The following HS6ST2 variants were observed in gnomAD, a reference collection of about 807,000 sequenced individuals.
HS6ST2 encodes heparan sulfate 6-O-sulfotransferase 2.
Under a neutral mutation model 33.0 loss-of-function variants are expected in HS6ST2, and 17 were observed. That is an observed-to-expected ratio of 0.52 (90% CI 0.35 to 0.77). HS6ST2 has a LOEUF of 0.77. Ranked by LOEUF, HS6ST2 falls within the 30% of genes least tolerant of loss-of-function variation. The probability of loss-of-function intolerance (pLI) is 0.01; values close to 1 mark genes in which losing one functional copy is unlikely to be tolerated. For synonymous variants in HS6ST2, 248 were observed against 237.1 expected (o/e 1.05, Z -0.42); for missense variants, 519 against 551.7 (o/e 0.94, Z 0.59).
rs1191491268 is a variant in HS6ST2, at chrX:132,637,940, A to G, written c.1068-8847T>C. Among the ~76,000 whole-genome samples the G allele has an allele frequency of 1.1e-4, 8 of 72,558 alleles. 1 individual carries two copies. Among genetic ancestry groups the G allele is most frequent in the Admixed American group, 2.2e-4 (1 of 4,512 alleles). 63.0% of individuals were successfully genotyped at this position (72,558 alleles called of 115,157 possible). On this transcript the variant is annotated intron_variant, in intron 4 of 4. Coordinates refer to ENST00000370833, the MANE Select transcript of HS6ST2 (RefSeq NM_001394073.1). Reference sequence around the variant, plus strand: ...ATTTTATATATATATTATATATAATATTTTATATATAATATATATAAAATA... The same window carrying G: ...ATTTTATATATATATTATATATAATGTTTTATATATAATATATATAAAATA...
At chrX:132,719,917 CAGA>C (rs2064313191) in intron 2 of HS6ST2, among the ~76,000 whole-genome samples, 1 of 112,439 alleles carries the variant, frequency 8.9e-6, no homozygotes, top group African/African-American at 3.2e-5. Flanking sequence ...AATCTCCCCA[CAGA>C]AACTGCTGTA....
At chrX:132,759,287 A>G (rs2064784463) in intron 2 of HS6ST2, among the ~76,000 whole-genome samples, 1 of 112,091 alleles carries the variant, frequency 8.9e-6, no homozygotes, top group Non-Finnish European at 1.9e-5. Context: ...GTATTAAAGG[A>G]GTAATTTCTG....
At chrX:132,724,638 A>G (rs2064374646) in intron 2 of HS6ST2, among the ~76,000 whole-genome samples, 1 of 112,008 alleles carries the variant, frequency 8.9e-6, no homozygotes, top group South Asian at 3.7e-4. Flanking sequence ...TCCTTCACAG[A>G]AATAGCAAAA....
intron 2 of HS6ST2, among the ~76,000 whole-genome samples, chrX:132,876,840 A>G: frequency 8.9e-6 from 1 of 112,040 alleles, no homozygotes; most frequent in South Asian, 3.7e-4. Context: ...TACAGATAAC[A>G]CCTTCAAGTG....
At chrX:132,771,797 G>A (rs1324090768) in intron 2 of HS6ST2, among the ~76,000 whole-genome samples, 8 of 111,843 alleles carry the variant, frequency 7.2e-5, no homozygotes, top group Admixed American at 6.7e-4. Flanking sequence ...AATGAGACTT[G>A]AAGATACTGT....
chrX:132,681,497 T>G (rs1406864736), intron 3 of HS6ST2, among the ~76,000 whole-genome samples: 3 of 111,456 alleles, frequency 2.7e-5, no homozygotes, highest in Non-Finnish European at 3.8e-5. Context: ...ATAATCAGAA[T>G]TTAAGGGCTG....
At chrX:132,928,142 G>A (rs1286366934) in intron 2 of HS6ST2, among the ~76,000 whole-genome samples, 3 of 103,108 alleles carry the variant, frequency 2.9e-5, no homozygotes, top group Admixed American at 1.0e-4. Flanking sequence ...TTTTTGAGAC[G>A]GAGTCTCACT....
chrX:132,817,148 T>C (rs2065402204), intron 2 of HS6ST2, among the ~76,000 whole-genome samples: 1 of 111,153 alleles, frequency 9.0e-6, no homozygotes, highest in African/African-American at 3.3e-5. Context: ...TCAACTTGCA[T>C]TGAGGTGGTT....
chrX:132,652,468 G>T (rs896664540), intron 4 of HS6ST2, among the ~76,000 whole-genome samples: 5 of 111,864 alleles, frequency 4.5e-5, no homozygotes, highest in African/African-American at 1.6e-4. Flanking sequence ...TAACAGGATA[G>T]ACTGTTCTAG....
At chrX:132,708,114 C>T (rs750497299) in intron 3 of HS6ST2, among the ~76,000 whole-genome samples, 45 of 109,069 alleles carry the variant, frequency 4.1e-4, no homozygotes, top group Non-Finnish European at 6.7e-4. Context: ...ACTTTGCCAA[C>T]GGTTGGGGTC....
At position 132,847,858 on chromosome X, in the gene HS6ST2, A is replaced by G. The variant is rs138619465; in HGVS notation, c.947+108950T>C. On this transcript the variant is annotated intron_variant, in intron 2 of 4. Coordinates refer to ENST00000370833, the MANE Select transcript of HS6ST2 (RefSeq NM_001394073.1). ...CTCCGAAGGGCTGGCATAGAGAAGA[A>G]CATTAGACTTGTTTTGTATGGTTCC... Among the ~76,000 whole-genome samples the G allele has an allele frequency of 4.7e-3, 525 of 112,442 alleles. 2 individuals are homozygous for G. The highest frequency in any genetic ancestry group is 0.016 in the African/African-American group (496 of 31,035).
intron 2 of HS6ST2, chrX:132,758,311 C>A (rs946138486): frequency 8.9e-6 from 1 of 112,070 alleles, no homozygotes; most frequent in Admixed American, 9.4e-5. Flanking sequence ...GGCACCTCCT[C>A]GCCAGGTGAT....
chrX:132,681,967 T>C (rs1222365080), intron 3 of HS6ST2, among the ~76,000 whole-genome samples: 8 of 111,948 alleles, frequency 7.1e-5, no homozygotes, highest in African/African-American at 2.6e-4. Flanking sequence ...GATAAAAACA[T>C]GAAAGGTAGA....
intron 2 of HS6ST2, among the ~76,000 whole-genome samples, chrX:132,848,782 A>G (rs1337432341): frequency 8.9e-6 from 1 of 111,987 alleles, no homozygotes; most frequent in Non-Finnish European, 1.9e-5. Context: ...CTAACTCTGG[A>G]AACAGCACTC....
At chrX:132,789,876 T>C (rs1245212618) in intron 2 of HS6ST2, among the ~76,000 whole-genome samples, 5 of 112,129 alleles carry the variant, frequency 4.5e-5, no homozygotes, top group Non-Finnish European at 7.5e-5. Context: ...TGCTACAATC[T>C]CATGATCAAA....
At position 132,700,239 on chromosome X, in the gene HS6ST2, A is replaced by G. The variant is rs754018676; in HGVS notation, c.980+8223T>C. ...GAAAAGTTTTGAAACCACACAAGAT[A>G]TTGATGAAGCTCCCTTGTAATTCTA... On this transcript the variant is annotated intron_variant, in intron 3 of 4. Coordinates refer to ENST00000370833, the MANE Select transcript of HS6ST2 (RefSeq NM_001394073.1). 3.0e-4 allele frequency among the ~76,000 whole-genome samples: 34 copies of G among 111,937 alleles called. 1 individual carries two copies. The highest frequency in any genetic ancestry group is 4.6e-3 in the Middle Eastern group (1 of 217).
intron 3 of HS6ST2, among the ~76,000 whole-genome samples, chrX:132,670,042 G>A (rs781774418): frequency 9.0e-6 from 1 of 110,769 alleles, no homozygotes; most frequent in East Asian, 2.8e-4. Context: ...CCAATTCAAA[G>A]CCTTTCTCTC....
At chrX:132,856,850 T>G (rs2065856272) in intron 2 of HS6ST2, among the ~76,000 whole-genome samples, 1 of 111,707 alleles carries the variant, frequency 9.0e-6, no homozygotes, top group Non-Finnish European at 1.9e-5. Flanking sequence ...CTATAAGCAG[T>G]CAAGATTTAA....
At chrX:132,842,138 G>A (rs993297197) in intron 2 of HS6ST2, among the ~76,000 whole-genome samples, 1 of 111,724 alleles carries the variant, frequency 9.0e-6, no homozygotes, top group Non-Finnish European at 1.9e-5. Flanking sequence ...TGACTGAATA[G>A]ATCAAATCAC....
Sources: allele counts gnomAD v4.1 joint callset (sites outside exome capture counted in the v4.1 genomes callset), GRCh38; gene constraint gnomAD v4.1.1; transcripts MANE v1.5; gene names NCBI Gene and HGNC (gene_info 2026-07-23, HGNC 2026-07-21).